The following SLFN12 variants were observed in gnomAD, a reference collection of about 807,000 sequenced individuals.
SLFN12 encodes the protein ribonuclease SLFN12.
SLFN12 carries 25 observed loss-of-function variants against 29.1 expected under a neutral mutation model. The observed-to-expected ratio is 0.86, with a 90% confidence interval of 0.63 to 1.20. The LOEUF is 1.20. SLFN12 is among the 50% of genes most tolerant of loss of function. SLFN12 has a pLI of 0.00. For synonymous variants in SLFN12, 257 were observed against 238.7 expected (o/e 1.08, Z -0.71); for missense variants, 660 against 666.2 (o/e 0.99, Z 0.10).
intron 1 of SLFN12, among the ~76,000 whole-genome samples, chr17:35,430,820 A>G (rs1912274705): frequency 6.6e-6 from 1 of 152,142 alleles, no homozygotes; most frequent in African/African-American, 2.4e-5. Context: ...GAATCTCTTA[A>G]TCTTCATTTA....
chr17:35,422,541 A>C lies in SLFN12; in HGVS notation c.488T>G (p.Leu163Arg), dbSNP rs762704716. 3 of 1,614,118 alleles carry C rather than the reference A, an allele frequency of 1.9e-6. No homozygotes were observed. Among genetic ancestry groups the C allele is most frequent in the Non-Finnish European group, 2.5e-6 (3 of 1,180,008 alleles). Residue 163 changes from leucine to arginine, a missense_variant, in exon 2 of 4, where the codon CTG becomes CGG. Leu to Arg is a moderately radical substitution (Grantham distance 102). Coordinates refer to ENST00000304905, the MANE Select transcript of SLFN12 (RefSeq NM_018042.5). ...TATATCAACACAGGGCCTCTTTGCC[A>C]GCAATTCTGGTCTTAAATACAATCT... ...RGRLYLRPEL[L>R]AKRPCVDIQE...
At chr17:35,428,071 T>C (rs1196462880) in intron 1 of SLFN12, among the ~76,000 whole-genome samples, 1 of 152,104 alleles carries the variant, frequency 6.6e-6, no homozygotes, top group Non-Finnish European at 1.5e-5. Flanking sequence ...TGGTGAAACA[T>C]AAGGTTATAT....
At chr17:35,414,846 A>G (rs968614347) in intron 3 of SLFN12, among the ~76,000 whole-genome samples, 11 of 152,144 alleles carry the variant, frequency 7.2e-5, no homozygotes, top group Admixed American at 3.9e-4. Context: ...ACCACAAAAC[A>G]CTGCTGAAAG....
At chr17:35,414,908 G>A (rs1485821148) in intron 3 of SLFN12, among the ~76,000 whole-genome samples, 1 of 152,088 alleles carries the variant, frequency 6.6e-6, no homozygotes, top group East Asian at 1.9e-4. Flanking sequence ...TCATGGATAG[G>A]TAGAATCAAT....
At chr17:35,413,993 C>T (rs928805854) in intron 3 of SLFN12, among the ~76,000 whole-genome samples, 1 of 151,994 alleles carries the variant, frequency 6.6e-6, no homozygotes, top group Non-Finnish European at 1.5e-5. Flanking sequence ...CTCACCACAG[C>T]AAAGACCATA....
chr17:35,420,747 C>CTGCTAGTACTGGTCCAAT (rs917906730), intron 2 of SLFN12: 2 of 187,386 alleles, frequency 1.1e-5, no homozygotes, highest in Non-Finnish European at 2.2e-5. Flanking sequence ...ATTTTATAAG[C>CTGCTAGTACTGGTCCAAT]TGCTAGTACT....
Position 35,411,941 on chromosome 17 carries a change from T to C in SLFN12, c.1148-14A>G. On this transcript the variant is annotated splice_polypyrimidine_tract_variant and intron_variant, in intron 3 of 3. Coordinates refer to ENST00000304905, the MANE Select transcript of SLFN12 (RefSeq NM_018042.5). ...TTCCTGATAGCCCTGAATAAGGAAA[T>C]AATAATAATAAATTATAAAACACTA... is the stretch of plus-strand genomic sequence containing the variant. 1 of 1,495,400 alleles carries C rather than the reference T, an allele frequency of 6.7e-7. No homozygotes were observed. The allele number at this position is 1,495,400 out of a possible 1,614,324, so 92.6% of individuals were successfully genotyped here.
intron 1 of SLFN12, among the ~76,000 whole-genome samples, chr17:35,423,390 C>T (rs978229453): frequency 1.3e-5 from 2 of 151,916 alleles, no homozygotes; most frequent in African/African-American, 2.4e-5. Flanking sequence ...TGGAGTGAGT[C>T]TATGTTTTTA....
intron 1 of SLFN12, among the ~76,000 whole-genome samples, chr17:35,423,506 C>A (rs1451416928): frequency 6.6e-6 from 1 of 151,782 alleles, no homozygotes; most frequent in Non-Finnish European, 1.5e-5. Flanking sequence ...GGGTATAAAT[C>A]TTTTGGAAGA....
At chr17:35,418,261 A>G (rs544180291) in intron 3 of SLFN12, among the ~76,000 whole-genome samples, 3 of 152,248 alleles carry the variant, frequency 2.0e-5, no homozygotes, top group African/African-American at 4.8e-5. Context: ...GAGATTCTAG[A>G]AAGAGGATTA....
rs532268067 is a variant in SLFN12, at chr17:35,417,280, C to A, written c.1147+2994G>T. On this transcript the variant is annotated intron_variant, in intron 3 of 3. Transcript: ENST00000304905. ...ATATTAAACATCATTTGCCAATCAA[C>A]ATATTAAAAACATTTAATCATGTCA... 2.6e-5 allele frequency among the ~76,000 whole-genome samples: 4 copies of A among 152,116 alleles called. No individual in the cohort carries two copies. In the South Asian group the frequency reaches 6.2e-4, roughly 24 times the overall value.
intron 1 of SLFN12, among the ~76,000 whole-genome samples, chr17:35,425,002 T>C (rs910090212): frequency 6.6e-6 from 1 of 152,106 alleles, no homozygotes; most frequent in Non-Finnish European, 1.5e-5. Flanking sequence ...CTTTCAAGAA[T>C]ACAGGCCCAG....
chr17:35,422,309 A>G lies in SLFN12; in HGVS notation c.720T>C (p.Gly240=), dbSNP rs1268791654. 4 of 1,613,836 alleles carry G rather than the reference A, an allele frequency of 2.5e-6. No homozygotes were observed. Among genetic ancestry groups the G allele is most frequent in the Admixed American group, 1.7e-5 (1 of 59,988 alleles). The part of the protein sequence containing the change: ...ANTDGGYLFI[G]LNEDKEIIGF... ...CAATTATTTCTTTATCTTCATTTAA[A>G]CCAATGAACAAATATCCTCCATCAG... is the stretch of plus-strand genomic sequence containing the variant. Residue 240 remains glycine (G), a synonymous_variant, in exon 2 of 4, where the codon GGT becomes GGC. Transcript: ENST00000304905.
chr17:35,420,425 A>AC (rs1406511346), intron 2 of SLFN12, 44 bp from the exon 3 acceptor site: 1 of 1,214,840 alleles, frequency 8.2e-7, no homozygotes, highest in African/African-American at 1.5e-5. Context: ...CAGAAGGGAG[A>AC]CCCCAACTAA....
At chr17:35,414,161 T>A (rs1011201282) in intron 3 of SLFN12, among the ~76,000 whole-genome samples, 1 of 151,906 alleles carries the variant, frequency 6.6e-6, no homozygotes, top group Non-Finnish European at 1.5e-5. Context: ...ATAAAAAGAA[T>A]CCAAACTGGA....
chr17:35,421,936 C>T, intron 2 of SLFN12, 54 bp downstream of exon 2: 1 of 1,573,422 alleles, frequency 6.4e-7, no homozygotes, highest in Non-Finnish European at 8.6e-7. Context: ...ATAGAGAAAA[C>T]CTCCCTGCCA....
Position 35,411,844 on chromosome 17 carries a change from A to C in SLFN12, c.1231T>G (p.Cys411Gly). ...TTTCTGACAGAGTCCATTTCTTCAC[A>C]TATTAATTGCTTAAGTCCTTCATGT... ...LQHEGLKQLI[C>G]EEMDSVRKGS... is the part of the protein sequence containing the mutation. Residue 411 changes from cysteine to glycine, a missense_variant, in exon 4 of 4, where the codon TGT becomes GGT. Transcript: ENST00000304905. The C allele has an allele frequency of 6.2e-7, 1 of 1,613,996 alleles. No individual in the cohort carries two copies. Among genetic ancestry groups the C allele is most frequent in the East Asian group, 2.2e-5 (1 of 44,880 alleles).
chr17:35,421,209 A>AAAATAAATAAAT (rs71152711), intron 2 of SLFN12, among the ~76,000 whole-genome samples: 49 of 140,300 alleles, frequency 3.5e-4, no homozygotes, highest in South Asian at 1.4e-3. Context: ...ACTCCGTCTC[A>AAAATAAATAAAT]AAATAAATAA....
At chr17:35,428,152 CAG>C (rs1336987244) in intron 1 of SLFN12, among the ~76,000 whole-genome samples, 2 of 152,026 alleles carry the variant, frequency 1.3e-5, no homozygotes, top group African/African-American at 4.8e-5. Context: ...TATGTACACA[CAG>C]AGAGAGACAG....
Sources: gnomAD v4.1 joint callset for allele counts (sites outside exome capture counted in the v4.1 genomes callset) on GRCh38, gnomAD v4.1.1 for gene constraint, MANE v1.5 for transcripts, NCBI Gene and HGNC (gene_info 2026-07-23, HGNC 2026-07-21) for gene names.